Variants in CRACR2A observed in about 807,000 individuals in gnomAD.
The protein encoded by CRACR2A is calcium release activated channel regulator 2A, also known as EF-hand calcium-binding domain-containing protein 4B.
A neutral mutation model predicts 90.5 loss-of-function variants in CRACR2A; 79 were observed. That is an observed-to-expected ratio of 0.87 (90% confidence interval 0.73 to 1.05). CRACR2A has a LOEUF of 1.05. Among genes scored for constraint, CRACR2A ranks in the 50% least tolerant of loss-of-function variants. The pLI, the probability that CRACR2A is intolerant of heterozygous loss-of-function variation, is 0.00. For synonymous variants in CRACR2A, 338 were observed against 356.7 expected (o/e 0.95, Z 0.59); for missense variants, 823 against 897.2 (o/e 0.92, Z 1.06).
chr12:3,715,178 AGTGGG>A (rs1228566445), intron 2 of CRACR2A, among the ~76,000 whole-genome samples: 8 of 152,234 alleles, frequency 5.3e-5, no homozygotes, highest in African/African-American at 1.9e-4. Flanking sequence ...TAGGTCTCCC[AGTGGG>A]TTGGGGGAAA....
At chr12:3,668,840 C>T (rs964555631) in intron 7 of CRACR2A, among the ~76,000 whole-genome samples, 1 of 152,282 alleles carries the variant, frequency 6.6e-6, no homozygotes, top group African/African-American at 2.4e-5. Flanking sequence ...ACTTAAGGGC[C>T]TGTGAGCTCC....
chr12:3,745,179 T>C (rs1946591123), intron 1 of CRACR2A, among the ~76,000 whole-genome samples: 1 of 152,006 alleles, frequency 6.6e-6, no homozygotes, highest in South Asian at 2.1e-4. Context: ...ATCCGGGGTG[T>C]CTGTTCAATC....
Position 3,678,948 on chromosome 12 carries a change from ATCAGCATCC to A in CRACR2A, c.482_490del (p.Arg161_Met164delinsLeu). The A allele has an allele frequency of 1.9e-6, 3 of 1,612,928 alleles. No individual in the cohort carries two copies. Among genetic ancestry groups the A allele is most frequent in the Non-Finnish European group, 2.5e-6 (3 of 1,179,582 alleles). On this transcript the variant is annotated inframe_deletion, in exon 6 of 20. Transcript: ENST00000440314. ...CACCTTTTGGGCTCCAAGTCTGTCC[ATCAGCATCC>A]GGAACTGGGCTTCCTCATCTTCGCC...
rs770534591 is a variant in CRACR2A, at chr12:3,648,578, T to A, written c.1082A>T (p.Glu361Val). 1.2e-6 allele frequency: 2 copies of A among 1,614,106 alleles called. No individual in the cohort carries two copies. Among genetic ancestry groups the A allele is most frequent in the African/African-American group, 2.7e-5 (2 of 75,040 alleles). Residue 361 changes from glutamate to valine, a missense_variant, in exon 11 of 20, where the codon GAG (glutamate) becomes GTG (valine). Coordinates refer to ENST00000440314, the MANE Select transcript of CRACR2A (RefSeq NM_001144958.2). ...CAGCTGCTTGAGGAGCCCGGCCTTC[T>A]CACGCTGTAGACTCTCCGTCACACG... ...VYRVTESLQR[E>V]KAGLLKQLDF...
chr12:3,645,869 T>C (rs1395307203), intron 11 of CRACR2A, among the ~76,000 whole-genome samples: 1 of 152,140 alleles, frequency 6.6e-6, no homozygotes, highest in Non-Finnish European at 1.5e-5. Context: ...TTAGAGTACA[T>C]TTGTAGGTAT....
intron 5 of CRACR2A, among the ~76,000 whole-genome samples, chr12:3,679,946 T>C (rs748708464): frequency 2.6e-5 from 4 of 152,228 alleles, no homozygotes; most frequent in African/African-American, 9.6e-5. Flanking sequence ...CCCCCTTTTA[T>C]GCTATGGCTT....
chr12:3,745,834 A>AT (rs1946616524), intron 1 of CRACR2A, among the ~76,000 whole-genome samples: 1 of 144,768 alleles, frequency 6.9e-6, no homozygotes, highest in Non-Finnish European at 1.5e-5. Flanking sequence ...ATAAAGAAAG[A>AT]AAAGAGAAGA....
At chr12:3,692,426 T>C (rs1325694291) in intron 4 of CRACR2A, among the ~76,000 whole-genome samples, 1 of 150,366 alleles carries the variant, frequency 6.7e-6, no homozygotes, top group Non-Finnish European at 1.5e-5. Context: ...TCCCAACTCC[T>C]GGACTGTGTG....
At chr12:3,678,496 AG>A (rs1344637479) in intron 6 of CRACR2A, among the ~76,000 whole-genome samples, 1 of 151,988 alleles carries the variant, frequency 6.6e-6, no homozygotes, top group Non-Finnish European at 1.5e-5. Context: ...GACCCAGGAG[AG>A]GTAAAGATGC....
rs527936460 is a variant in CRACR2A at position 3,671,074 on chromosome 12, C to T, written c.671+2372G>A. On this transcript the variant is annotated intron_variant, in intron 7 of 19. Transcript: ENST00000440314. ...GCACAATTACTAAATGAGGACAAAC[C>T]ACTAATACAGGCCCTTAAAGATGGA... Among the ~76,000 whole-genome samples, 4 of 152,284 alleles carry T rather than the reference C, an allele frequency of 2.6e-5. No homozygotes were observed. The South Asian group carries it at 8.3e-4, about 32-fold the overall frequency.
At chr12:3,727,221 T>C (rs1462215098) in intron 2 of CRACR2A, 1 of 146,954 alleles carries the variant, frequency 6.8e-6, no homozygotes, top group African/African-American at 2.5e-5. Context: ...AAGAAGAGGA[T>C]GGATTGGGAA....
chr12:3,676,388 C>G (rs1336611189), intron 6 of CRACR2A, among the ~76,000 whole-genome samples: 1 of 152,180 alleles, frequency 6.6e-6, no homozygotes, highest in East Asian at 1.9e-4. Context: ...ATGGTGACCT[C>G]CCATCCCTGT....
At chr12:3,634,770 A>T (rs1274159309) in intron 14 of CRACR2A, among the ~76,000 whole-genome samples, 1 of 152,228 alleles carries the variant, frequency 6.6e-6, no homozygotes, top group Admixed American at 6.5e-5. Context: ...TCAGATAAAA[A>T]GCCATTAACT....
intron 15 of CRACR2A, among the ~76,000 whole-genome samples, chr12:3,628,684 C>T (rs1222736953): frequency 2.0e-5 from 3 of 152,162 alleles, no homozygotes; most frequent in African/African-American, 4.8e-5. Context: ...TAAAGAGGTT[C>T]GAAAGTACAT....
At chr12:3,650,993 TA>T (rs1197275623) in intron 10 of CRACR2A, among the ~76,000 whole-genome samples, 1 of 152,226 alleles carries the variant, frequency 6.6e-6, no homozygotes, top group African/African-American at 2.4e-5. Context: ...GAAAGACACT[TA>T]GATATTTGAC....
chr12:3,752,369 CAG>C, intron 1 of CRACR2A: 1 of 78,892 alleles, frequency 1.3e-5, no homozygotes, highest in Non-Finnish European at 3.6e-5. Flanking sequence ...CACACACACA[CAG>C]ACACACACAC....
At chr12:3,666,179 A>G (rs1945131587) in intron 7 of CRACR2A, among the ~76,000 whole-genome samples, 1 of 152,132 alleles carries the variant, frequency 6.6e-6, no homozygotes, top group African/African-American at 2.4e-5. Context: ...AGTACCAGTG[A>G]GATACTGCGG....
At chr12:3,639,457 A>AACACACACACACACAGAC (rs1944519223) in intron 13 of CRACR2A, among the ~76,000 whole-genome samples, 2 of 139,558 alleles carry the variant, frequency 1.4e-5, no homozygotes, top group South Asian at 5.0e-4. Context: ...CCAGAATTGA[A>AACACACACACACACAGAC]ACACACACAC....
In CRACR2A at chr12:3,707,091, C is replaced by G. The variant is rs188264483; in HGVS notation, c.-37+6146G>C. Among the ~76,000 whole-genome samples, 224 of 152,226 alleles carry G rather than the reference C, an allele frequency of 1.5e-3. 1 individual carries two copies. Among genetic ancestry groups the G allele is most frequent in the Admixed American group, 3.7e-3 (57 of 15,284 alleles). Reference sequence around the variant, plus strand: ...GACAGGATTTCCTGGTGTGATTTTCCCTACCCCAGGCCACCAAGAAGGTGA... The same window carrying G: ...GACAGGATTTCCTGGTGTGATTTTCGCTACCCCAGGCCACCAAGAAGGTGA... On this transcript the variant is annotated intron_variant, in intron 3 of 19. Coordinates refer to ENST00000440314, the MANE Select transcript of CRACR2A (RefSeq NM_001144958.2).
Sources: allele counts gnomAD v4.1 joint callset (sites outside exome capture counted in the v4.1 genomes callset), GRCh38; gene constraint gnomAD v4.1.1; transcripts MANE v1.5; gene names NCBI Gene and HGNC (gene_info 2026-07-23, HGNC 2026-07-21).